Variants in CNNM3 observed in about 807,000 individuals in gnomAD.
CNNM3 encodes cyclin and CBS domain divalent metal cation transport mediator 3.
CNNM3 carries 47 observed loss-of-function variants against 57.1 expected under a neutral mutation model. The observed-to-expected ratio is 0.82, with a 90% CI of 0.65 to 1.05. The LOEUF (loss-of-function observed/expected upper bound fraction) is 1.05, where lower values mean the gene tolerates loss of function less well. CNNM3 is among the 50% of genes least tolerant of loss of function. The probability of loss-of-function intolerance (pLI) is 0.00; values close to 1 mark genes in which losing one functional copy is unlikely to be tolerated. For missense variants in CNNM3, 957 were observed against 973.7 expected, an observed-to-expected ratio of 0.98 and a Z score of 0.23; for synonymous variants, 507 against 478.2, an observed-to-expected ratio of 1.06 and a Z score of -0.79.
At chr2:96,828,805 C>A in intron 6 of CNNM3, 105 bp downstream of exon 6, 1 of 1,517,058 alleles carries the variant, frequency 6.6e-7, no homozygotes, top group Non-Finnish European at 9.0e-7. Flanking sequence ...TTCCACTCAT[C>A]CTGAGGGACA....
chr2:96,822,065 C>T (rs1378276163), intron 1 of CNNM3, among the ~76,000 whole-genome samples: 1 of 149,998 alleles, frequency 6.7e-6, no homozygotes, highest in Non-Finnish European at 1.5e-5. Context: ...TGCAGTGGCA[C>T]AATCTTGGCT....
rs1201423556 is a variant in CNNM3, at chr2:96,822,005, A to ATTT, written c.1226-3039_1226-3037dup. Among the ~76,000 whole-genome samples the ATTT allele has an allele frequency of 3.8e-3, 542 of 142,386 alleles. 1 individual carries two copies. The highest frequency in any genetic ancestry group is 9.8e-3 in the African/African-American group (394 of 40,102). 93.4% of individuals were successfully genotyped at this position (142,386 alleles called of 152,430 possible). ...AAAGAACATTATTATTATTATTATT[A>ATTT]TTTTTTTTTTTTTTTTGAGATGGAG... On this transcript the variant is annotated intron_variant, in intron 1 of 7. Transcript: ENST00000305510.
At chr2:96,829,315 T>G in intron 7 of CNNM3, 181 bp downstream of exon 7, 1 of 706,186 alleles carries the variant, frequency 1.4e-6, no homozygotes. Flanking sequence ...TTTTTTGAGA[T>G]GGAGTCTTAC....
At chr2:96,818,970 G>T (rs2079366566) in intron 1 of CNNM3, among the ~76,000 whole-genome samples, 2 of 152,332 alleles carry the variant, frequency 1.3e-5, no homozygotes, top group Admixed American at 1.3e-4. Context: ...CGCTACTCCT[G>T]ACTGAGCACT....
chr2:96,826,335 C>T (rs1224636641), intron 2 of CNNM3, among the ~76,000 whole-genome samples: 1 of 152,122 alleles, frequency 6.6e-6, no homozygotes, highest in African/African-American at 2.4e-5. Flanking sequence ...ACCTCAGCCT[C>T]CTGAGCAGTT....
intron 5 of CNNM3, 75 bp from the exon 6 acceptor site, chr2:96,828,492 C>A (rs1259691502): frequency 3.9e-5 from 61 of 1,579,306 alleles, no homozygotes; most frequent in Non-Finnish European, 5.1e-5. Flanking sequence ...CGAAACTGTA[C>A]AGTTGTCCCC....
In CNNM3 at chr2:96,828,378, G is replaced by T. The variant is rs1033082069; in HGVS notation, c.1786+183G>T. 10 of 835,844 alleles carry T rather than the reference G, an allele frequency of 1.2e-5. No homozygotes were observed. The African/African-American group carries it at 1.5e-4, about 13-fold the overall frequency. The allele number at this position is 835,844 out of a possible 1,614,324, so 51.8% of individuals were successfully genotyped here. Reference sequence around the variant, plus strand: ...GCAGCATTCTTCATCGCTCAACTTTGTGGCCCACTCCACCCCTGCAAAACC... The same window carrying T: ...GCAGCATTCTTCATCGCTCAACTTTTTGGCCCACTCCACCCCTGCAAAACC... On this transcript the variant is annotated intron_variant, in intron 5 of 7. Coordinates refer to ENST00000305510, the MANE Select transcript of CNNM3 (RefSeq NM_017623.5).
chr2:96,828,280 C>A, intron 5 of CNNM3, 85 bp downstream of exon 5: 2 of 1,079,106 alleles, frequency 1.9e-6, no homozygotes, highest in Non-Finnish European at 2.8e-6. Context: ...CTCAGTGCCC[C>A]TCCTCACCTC....
rs1574095227 is a variant in CNNM3 at position 96,816,335 on chromosome 2, C to A, written c.58C>A (p.Leu20Met). The A allele has an allele frequency of 7.8e-7, 1 of 1,289,772 alleles. No homozygotes were observed. Among genetic ancestry groups the A allele is most frequent in the Non-Finnish European group, 9.8e-7 (1 of 1,018,800 alleles). The allele number at this position is 1,289,772 out of a possible 1,614,324, so 79.9% of individuals were successfully genotyped here. ...AGGCTGGTTGTTCGCCGCGCTCTGC[C>A]TGGGCAACGCCGCGGGGGAGGCCGC... ...RLGWLFAALC[L>M]GNAAGEAAPG... is the part of the protein sequence containing the mutation. Residue 20 changes from leucine (L) to methionine (M), a missense_variant, in exon 1 of 8, where the codon CTG (leucine) becomes ATG (methionine). Leu to Met is a conservative substitution (Grantham distance 15). Around this residue, in one of 2 missense-constraint regions of CNNM3, gnomAD observed 466 missense variants for 403.1 expected, o/e 1.16. Coordinates refer to ENST00000305510, the MANE Select transcript of CNNM3 (RefSeq NM_017623.5).
At position 96,834,210 on chromosome 2, in the gene CNNM3, C is replaced by G. The variant is rs2153357435; in HGVS notation, c.*1594C>G. ...TGGGATTATAGGTGTGAGCTAAGATCAGGGATTCTTAACCTTGGCTGCACA... is the reference window on the plus strand; with the variant it reads ...TGGGATTATAGGTGTGAGCTAAGATGAGGGATTCTTAACCTTGGCTGCACA... On this transcript the variant is annotated 3_prime_UTR_variant, in exon 8 of 8. Transcript: ENST00000305510. 6.6e-6 allele frequency among the ~76,000 whole-genome samples: 1 copy of G among 151,984 alleles called. No individual in the cohort carries two copies. The highest frequency in any genetic ancestry group is 2.1e-4 in the South Asian group (1 of 4,814).
intron 1 of CNNM3, among the ~76,000 whole-genome samples, chr2:96,819,308 GC>G (rs2079371927): frequency 6.6e-6 from 1 of 152,246 alleles, no homozygotes; most frequent in African/African-American, 2.4e-5. Context: ...CCTGGAATCA[GC>G]GGAGTAGGTT....
At position 96,834,513 on chromosome 2, in the gene CNNM3, A is replaced by ACTT. The variant is rs1437960721; in HGVS notation, c.*1898_*1900dup. 6.6e-6 allele frequency among the ~76,000 whole-genome samples: 1 copy of ACTT among 151,170 alleles called. No individual in the cohort carries two copies. The highest frequency in any genetic ancestry group is 1.5e-5 in the Non-Finnish European group (1 of 67,868). On this transcript the variant is annotated 3_prime_UTR_variant, in exon 8 of 8. Coordinates refer to ENST00000305510, the MANE Select transcript of CNNM3 (RefSeq NM_017623.5). Reference sequence around the variant, plus strand: ...GTAGGCACCACCACACCCAGCTAATACTTTTAATTTTTTTTTGTAGAGATA... The same window carrying ACTT: ...GTAGGCACCACCACACCCAGCTAATACTTCTTTTAATTTTTTTTTGTAGAGATA...
intron 2 of CNNM3, 124 bp downstream of exon 2, chr2:96,825,325 C>T (rs2079482439): frequency 8.4e-7 from 1 of 1,187,514 alleles, no homozygotes; most frequent in Non-Finnish European, 1.2e-6. Flanking sequence ...AGCCAGGCCC[C>T]CTTCTGAGCC....
intron 1 of CNNM3, among the ~76,000 whole-genome samples, chr2:96,819,163 C>T (rs1479066472): frequency 6.6e-6 from 1 of 152,186 alleles, no homozygotes; most frequent in Non-Finnish European, 1.5e-5. Context: ...CATGGCCATG[C>T]CACCCTGCCC....
rs763500068 is a variant in CNNM3 at position 96,817,028 on chromosome 2, C to T, written c.751C>T (p.Leu251=). 6 of 1,367,784 alleles carry T rather than the reference C, an allele frequency of 4.4e-6. No homozygotes were observed. The highest frequency in any genetic ancestry group is 3.1e-5 in the African/African-American group (2 of 64,908). 84.7% of individuals were successfully genotyped at this position (1,367,784 alleles called of 1,614,324 possible). Residue 251 remains leucine, a synonymous_variant, in exon 1 of 8, where the codon CTG becomes TTG. Coordinates refer to ENST00000305510, the MANE Select transcript of CNNM3 (RefSeq NM_017623.5). ...AAVSGRWTLA[L]APRALGLSRL... ...CGTGAGCGGGCGCTGGACGCTGGCGCTGGCGCCGCGAGCGCTCGGCCTCAG... is the reference window on the plus strand; with the variant it reads ...CGTGAGCGGGCGCTGGACGCTGGCGTTGGCGCCGCGAGCGCTCGGCCTCAG...
At chr2:96,835,977 T>C (rs186387885), downstream of CNNM3, among the ~76,000 whole-genome samples, 12 of 152,292 alleles carry the variant, frequency 7.9e-5, no homozygotes, top group African/African-American at 2.4e-4. Context: ...ACCCATTTTC[T>C]GATTGGATTG....
chr2:96,817,748 T>G (rs2079346087), intron 1 of CNNM3, among the ~76,000 whole-genome samples: 1 of 139,372 alleles, frequency 7.2e-6, no homozygotes, highest in African/African-American at 3.1e-5. Context: ...CGCGTCAGGA[T>G]AGCCCCCCCC....
Position 96,832,611 on chromosome 2 carries a change from G to GT in CNNM3, c.2122dup (p.Ter708LeufsTer5). 6.2e-7 allele frequency: 1 copy of GT among 1,613,820 alleles called. No homozygotes were observed. Among genetic ancestry groups the GT allele is most frequent in the Non-Finnish European group, 8.5e-7 (1 of 1,180,040 alleles). On this transcript the variant is annotated frameshift_variant, in exon 8 of 8. Coordinates refer to ENST00000305510, the MANE Select transcript of CNNM3 (RefSeq NM_017623.5). LOFTEE classifies it high-confidence loss of function. ...AGGCAGCCCTGGGCGGAACCCAGGC[G>GT]TTTAACGGCTCACTAGGCAGCCCCA...
chr2:96,823,782 G>C (rs2079448088), intron 1 of CNNM3, among the ~76,000 whole-genome samples: 1 of 152,152 alleles, frequency 6.6e-6, no homozygotes, highest in Non-Finnish European at 1.5e-5. Flanking sequence ...TTCCACTAGT[G>C]ACAAACGAGG....
Sources: allele counts gnomAD v4.1 joint callset (sites outside exome capture counted in the v4.1 genomes callset), GRCh38; gene constraint gnomAD v4.1.1; regional missense constraint gnomAD v4.1.1; transcripts MANE v1.5; gene names NCBI Gene and HGNC (gene_info 2026-07-23, HGNC 2026-07-21).